Variants in DGKB observed in about 807,000 individuals in gnomAD.
DGKB encodes the protein diacylglycerol kinase beta.
Under a neutral mutation model 114.3 loss-of-function variants are expected in DGKB, and 67 were observed. That is an observed-to-expected ratio of 0.59 (90% CI 0.48 to 0.72). DGKB has a LOEUF of 0.72. DGKB is among the 30% of genes least tolerant of loss of function. DGKB has a pLI of 0.00. For missense variants in DGKB, 907 were observed against 975.2 expected (o/e 0.93, Z 0.93); for synonymous variants, 398 against 323.1 (o/e 1.23, Z -2.49).
At chr7:14,221,292 A>T (rs558775869) in intron 23 of DGKB, among the ~76,000 whole-genome samples, 26 of 151,424 alleles carry the variant, frequency 1.7e-4, no homozygotes, top group Non-Finnish European at 3.3e-4. Flanking sequence ...TTCACCATTA[A>T]GTATGATATT....
intron 21 of DGKB, among the ~76,000 whole-genome samples, chr7:14,427,495 T>G (rs1373830320): frequency 6.6e-6 from 1 of 152,174 alleles, no homozygotes; most frequent in Admixed American, 6.5e-5. Context: ...TTTGGGTATC[T>G]TTTCAGCAGT....
At chr7:14,685,164 C>T (rs1391322723) in intron 10 of DGKB, 81 bp downstream of exon 10, 2 of 874,982 alleles carry the variant, frequency 2.3e-6, no homozygotes, top group Non-Finnish European at 3.8e-6. Flanking sequence ...CTTAGGTCTC[C>T]ATTTACAAAT....
intron 4 of DGKB, chr7:14,750,327 G>GA (rs1205924960): frequency 1.7e-5 from 7 of 400,666 alleles, no homozygotes; most frequent in East Asian, 7.2e-5. Context: ...TGCCGTTTGA[G>GA]AAAAAAAAGA....
At chr7:14,459,250 G>T (rs759480702) in intron 21 of DGKB, among the ~76,000 whole-genome samples, 1 of 152,214 alleles carries the variant, frequency 6.6e-6, no homozygotes, top group African/African-American at 2.4e-5. Context: ...CAGAGCACCC[G>T]GGGGAAGGGG....
At chr7:14,185,298 A>C (rs1490477730) in intron 23 of DGKB, among the ~76,000 whole-genome samples, 2 of 152,194 alleles carry the variant, frequency 1.3e-5, no homozygotes, top group African/African-American at 4.8e-5. Flanking sequence ...TCTTAGGAAT[A>C]TACCTAACCA....
At chr7:14,920,800 A>G (rs1453673245) in intron 1 of DGKB, among the ~76,000 whole-genome samples, 1 of 152,212 alleles carries the variant, frequency 6.6e-6, no homozygotes, top group South Asian at 2.1e-4. Context: ...CTCTAAAATG[A>G]AATATTATTT....
intron 19 of DGKB, among the ~76,000 whole-genome samples, chr7:14,577,570 T>C (rs1584925556): frequency 6.6e-6 from 1 of 152,102 alleles, no homozygotes; most frequent in African/African-American, 2.4e-5. Flanking sequence ...TGAGCTGAGA[T>C]TGCGCCACTG....
rs145757028 is a variant in DGKB, at chr7:14,182,910, G to C, written c.2123-4759C>G. ...CAGAATATAGTGGGTACTGAAGAAA[G>C]GGGGAGAAAGGCTGGAGCAGAGTAG... On this transcript the variant is annotated intron_variant, in intron 23 of 25. Coordinates refer to ENST00000402815, the MANE Select transcript of DGKB (RefSeq NM_001350709.2). Among the ~76,000 whole-genome samples the C allele has an allele frequency of 2.3e-3, 349 of 152,300 alleles. 1 individual carries two copies. The highest frequency in any genetic ancestry group is 8.1e-3 in the African/African-American group (336 of 41,556).
intron 17 of DGKB, among the ~76,000 whole-genome samples, chr7:14,597,987 C>T (rs989877983): frequency 6.6e-6 from 1 of 152,076 alleles, no homozygotes; most frequent in African/African-American, 2.4e-5. Context: ...TATTAGAAAT[C>T]ACGTTTTTGC....
chr7:14,176,857 C>G lies in DGKB; in HGVS notation c.2286G>C (p.Trp762Cys). 4 of 1,613,824 alleles carry G rather than the reference C, an allele frequency of 2.5e-6. No homozygotes were observed. Among genetic ancestry groups the G allele is most frequent in the Non-Finnish European group, 3.4e-6 (4 of 1,179,768 alleles). ...TACTCACTGTGCATGGGGTCTGCAT[C>G]CATGGCTCCCCATCAATTTGCATTG... ...SLPMQIDGEP[W>C]MQTPCTIKIT... The change falls in exon 25 of 26, where the codon TGG becomes TGC. Residue 762 changes from tryptophan to cysteine, a missense_variant. Physicochemically the swap from Trp to Cys is radical, Grantham distance 215. Around this residue, in one of 3 missense-constraint regions of DGKB, gnomAD observed 58 missense variants for 52.5 expected, o/e 1.10. Transcript: ENST00000402815.
chr7:14,923,394 G>A (rs372209632), intron 1 of DGKB, among the ~76,000 whole-genome samples: 2 of 151,984 alleles, frequency 1.3e-5, no homozygotes, highest in African/African-American at 4.8e-5. Flanking sequence ...ATTGTCTTTT[G>A]TTGATTCCAC....
intron 4 of DGKB, among the ~76,000 whole-genome samples, chr7:14,738,073 C>T (rs1832013576): frequency 6.6e-6 from 1 of 152,202 alleles, no homozygotes; most frequent in South Asian, 2.1e-4. Flanking sequence ...GGCCAACAGT[C>T]AGACATGGGA....
intron 20 of DGKB, among the ~76,000 whole-genome samples, chr7:14,504,625 A>G (rs1165354672): frequency 3.9e-5 from 6 of 152,190 alleles, no homozygotes; most frequent in African/African-American, 9.7e-5. Context: ...AAGTGAATGA[A>G]TGTTCTGAAG....
chr7:14,157,074 G>A (rs770101397), intron 25 of DGKB, among the ~76,000 whole-genome samples: 1 of 152,084 alleles, frequency 6.6e-6, no homozygotes, highest in South Asian at 2.1e-4. Context: ...CTCTTTAAGA[G>A]TTTATTATCA....
chr7:14,783,502 T>C (rs1017235418), intron 2 of DGKB, among the ~76,000 whole-genome samples: 6 of 152,230 alleles, frequency 3.9e-5, no homozygotes, highest in African/African-American at 1.2e-4. Context: ...CTCTCACTTA[T>C]TGAAGCCATT....
chr7:14,869,567 C>T (rs1201653425), intron 1 of DGKB, among the ~76,000 whole-genome samples: 1 of 152,036 alleles, frequency 6.6e-6, no homozygotes, highest in Non-Finnish European at 1.5e-5. Flanking sequence ...CAAACAATTA[C>T]ATGCTTTACT....
intron 2 of DGKB, among the ~76,000 whole-genome samples, chr7:14,779,800 A>G (rs113078039): frequency 4.1e-4 from 63 of 152,254 alleles, no homozygotes; most frequent in African/African-American, 1.5e-3. Flanking sequence ...TCTGATTGGC[A>G]CTTTATAACT....
At chr7:14,360,933 A>G (rs1311126950) in intron 21 of DGKB, among the ~76,000 whole-genome samples, 1 of 152,152 alleles carries the variant, frequency 6.6e-6, no homozygotes, top group Non-Finnish European at 1.5e-5. Context: ...AACATATTAC[A>G]TATGTTTTTC....
chr7:14,678,369 G>T lies in DGKB; in HGVS notation c.1035+4184C>A, dbSNP rs149058056. ...CAGAATCAAGATATATTAGCGTCAAGAAAAATTTCAAGGAAGACAGGTAAC... is the reference window on the plus strand; with the variant it reads ...CAGAATCAAGATATATTAGCGTCAATAAAAATTTCAAGGAAGACAGGTAAC... On this transcript the variant is annotated intron_variant, in intron 12 of 25. Coordinates refer to ENST00000402815, the MANE Select transcript of DGKB (RefSeq NM_001350709.2). Among the ~76,000 whole-genome samples, 475 of 152,164 alleles carry T rather than the reference G, an allele frequency of 3.1e-3. 3 individuals carry two copies. Among genetic ancestry groups the T allele is most frequent in the African/African-American group, 0.011 (459 of 41,552 alleles).
Sources: gnomAD v4.1 joint callset for allele counts (sites outside exome capture counted in the v4.1 genomes callset) on GRCh38, gnomAD v4.1.1 for gene constraint, gnomAD v4.1.1 regional missense constraint, MANE v1.5 for transcripts, NCBI Gene and HGNC (gene_info 2026-07-23, HGNC 2026-07-21) for gene names.